MINDY2: variants seen among roughly 807,000 people sequenced by gnomAD.
MINDY2 encodes MINDY lysine 48 deubiquitinase 2, also known as ubiquitin carboxyl-terminal hydrolase MINDY-2.
A neutral mutation model predicts 68.2 loss-of-function variants in MINDY2; 52 were observed. The observed-to-expected ratio is 0.76, with a 90% CI of 0.61 to 0.96. MINDY2 has a LOEUF of 0.96. Among genes scored for constraint, MINDY2 ranks in the 40% least tolerant of loss-of-function variants. MINDY2 has a pLI of 0.00. For synonymous variants in MINDY2, 372 were observed against 303.0 expected (o/e 1.23, Z -2.36); for missense variants, 881 against 773.4 (o/e 1.14, Z -1.65).
intron 1 of MINDY2, among the ~76,000 whole-genome samples, chr15:58,784,575 C>T (rs975754776): frequency 6.7e-6 from 1 of 150,202 alleles, no homozygotes; most frequent in Non-Finnish European, 1.5e-5. Context: ...TAAAATAGGT[C>T]ATAGTTGATT....
intron 7 of MINDY2, among the ~76,000 whole-genome samples, chr15:58,849,816 A>G (rs2032724302): frequency 1.3e-5 from 2 of 152,072 alleles, no homozygotes; most frequent in Non-Finnish European, 2.9e-5. Context: ...ATCTCGGCTC[A>G]CTGCAACCTC....
At chr15:58,808,676 C>T (rs1482748540) in intron 3 of MINDY2, among the ~76,000 whole-genome samples, 1 of 152,174 alleles carries the variant, frequency 6.6e-6, no homozygotes, top group Non-Finnish European at 1.5e-5. Flanking sequence ...ACAATCTTGG[C>T]TCACTGCAAG....
intron 4 of MINDY2, among the ~76,000 whole-genome samples, chr15:58,814,388 G>C (rs537795224): frequency 6.7e-6 from 1 of 150,140 alleles, no homozygotes; most frequent in African/African-American, 2.4e-5. Flanking sequence ...TTTTGTTTTT[G>C]GTTTTGTTTT....
At chr15:58,793,376 A>G (rs1902065864) in intron 2 of MINDY2, among the ~76,000 whole-genome samples, 1 of 152,118 alleles carries the variant, frequency 6.6e-6, no homozygotes, top group South Asian at 2.1e-4. Context: ...GCTTGAACCC[A>G]GCAGTCGGAG....
intron 4 of MINDY2, among the ~76,000 whole-genome samples, chr15:58,818,283 A>T (rs2030832770): frequency 6.6e-6 from 1 of 152,128 alleles, no homozygotes; most frequent in Non-Finnish European, 1.5e-5. Flanking sequence ...GGGGAAGACA[A>T]GATCTTACTC....
At chr15:58,798,996 A>T (rs1269707785) in intron 2 of MINDY2, among the ~76,000 whole-genome samples, 1 of 152,234 alleles carries the variant, frequency 6.6e-6, no homozygotes, top group Admixed American at 6.5e-5. Flanking sequence ...AGGAAAAATT[A>T]GGAAATAGCT....
chr15:58,778,534 A>C (rs537914426), intron 1 of MINDY2, among the ~76,000 whole-genome samples: 1 of 151,210 alleles, frequency 6.6e-6, no homozygotes, highest in South Asian at 2.1e-4. Flanking sequence ...AAACAGACAC[A>C]CACCAAAAAA....
chr15:58,833,598 GTC>G (rs1300255512), intron 6 of MINDY2, among the ~76,000 whole-genome samples: 4 of 152,120 alleles, frequency 2.6e-5, no homozygotes, highest in Admixed American at 6.6e-5. Context: ...GTGAACAAAT[GTC>G]TCTGCATCAT....
chr15:58,845,256 A>C (rs2032477132), intron 6 of MINDY2, among the ~76,000 whole-genome samples: 1 of 152,028 alleles, frequency 6.6e-6, no homozygotes, highest in Non-Finnish European at 1.5e-5. Context: ...AAATACAAAA[A>C]TTAGCCAGGT....
intron 5 of MINDY2, 70 bp downstream of exon 5, chr15:58,821,889 C>G: frequency 9.9e-7 from 1 of 1,006,692 alleles, no homozygotes; most frequent in Non-Finnish European, 1.4e-6. Flanking sequence ...AACTTAATAT[C>G]TTTCAAATTT....
chr15:58,847,370 A>G lies in MINDY2; in HGVS notation c.1442A>G (p.Asn481Ser), dbSNP rs1163442766. ...AAAGTTGTTTGGGAAAGCCTACACA[A>G]CGTAGATGGTGATGGAAATTTCTGT... ...EEKVVWESLH[N>S]VDGDGNFCDS... Residue 481 changes from asparagine to serine, a missense_variant, in exon 7 of 9, where the codon AAC (asparagine) becomes AGC (serine). Coordinates refer to ENST00000559228, the MANE Select transcript of MINDY2 (RefSeq NM_001040450.3). The G allele has an allele frequency of 1.2e-6, 2 of 1,609,292 alleles. No individual in the cohort carries two copies. Among genetic ancestry groups the G allele is most frequent in the East Asian group, 4.5e-5 (2 of 44,746 alleles).
intron 2 of MINDY2, among the ~76,000 whole-genome samples, chr15:58,791,192 A>G (rs1901867580): frequency 1.5e-5 from 2 of 132,534 alleles, no homozygotes; most frequent in Non-Finnish European, 3.4e-5. Flanking sequence ...AAAAAAAAAA[A>G]GGGAGCCATC....
chr15:58,819,149 A>G (rs1294304750), intron 4 of MINDY2, among the ~76,000 whole-genome samples: 1 of 152,152 alleles, frequency 6.6e-6, no homozygotes, highest in Non-Finnish European at 1.5e-5. Context: ...GCTAATTAAA[A>G]AGAAAAATTT....
rs1268204303 is a variant in MINDY2, at chr15:58,831,866, C to G, written c.1318C>G (p.Leu440Val). ...AACTTCAACGGTTCAGGAAGGAGAACTTTGTGTGTTCTTTCGGAATAATCA... is the reference window on the plus strand; with the variant it reads ...AACTTCAACGGTTCAGGAAGGAGAAGTTTGTGTGTTCTTTCGGAATAATCA... ...ELTSTVQEGE[L>V]CVFFRNNHFS... is the part of the protein sequence containing the mutation. The change falls in exon 6 of 9, where the codon CTT (leucine) becomes GTT (valine). Residue 440 changes from leucine to valine, a missense_variant. Coordinates refer to ENST00000559228, the MANE Select transcript of MINDY2 (RefSeq NM_001040450.3). 1 of 1,613,600 alleles carries G rather than the reference C, an allele frequency of 6.2e-7. No homozygotes were observed. The highest frequency in any genetic ancestry group is 8.5e-7 in the Non-Finnish European group (1 of 1,179,764).
At chr15:58,806,879 ATGT>A (rs1326373103) in intron 3 of MINDY2, among the ~76,000 whole-genome samples, 1 of 152,204 alleles carries the variant, frequency 6.6e-6, no homozygotes, top group East Asian at 1.9e-4. Flanking sequence ...TTGAGAAAAT[ATGT>A]TGTTTGGGGG....
Position 58,856,619 on chromosome 15 carries a change from C to T in MINDY2, c.*2009C>T, listed in dbSNP as rs1205778527. The T allele has an allele frequency of 6.6e-6, 1 of 152,052 alleles. No homozygotes were observed. The highest frequency in any genetic ancestry group is 1.5e-5 in the Non-Finnish European group (1 of 68,022). 9.4% of individuals were successfully genotyped at this position (152,052 alleles called of 1,614,324 possible). ...GAATATGTATACGTTAGTAAAATAA[C>T]CAGATATACTACAGAACTCTCTATT... On this transcript the variant is annotated 3_prime_UTR_variant, in exon 9 of 9. Transcript: ENST00000559228.
At chr15:58,798,325 C>G (rs1234144711) in intron 2 of MINDY2, among the ~76,000 whole-genome samples, 1 of 148,326 alleles carries the variant, frequency 6.7e-6, no homozygotes, top group African/African-American at 2.5e-5. Flanking sequence ...TGGGATTTGT[C>G]TATGTTGGCC....
At chr15:58,834,642 CT>C (rs530642602) in intron 6 of MINDY2, among the ~76,000 whole-genome samples, 1,914 of 152,222 alleles carry the variant, frequency 0.013, 35 homozygotes, top group African/African-American at 0.037. Flanking sequence ...GCTACATCAT[CT>C]TTTTTTAGCC....
At chr15:58,791,870 C>G (rs1288335409) in intron 2 of MINDY2, among the ~76,000 whole-genome samples, 1 of 151,618 alleles carries the variant, frequency 6.6e-6, no homozygotes, top group African/African-American at 2.4e-5. Context: ...AAGAAAAGGT[C>G]AGTAGACCGA....
Sources: allele counts gnomAD v4.1 joint callset (sites outside exome capture counted in the v4.1 genomes callset), GRCh38; gene constraint gnomAD v4.1.1; transcripts MANE v1.5; gene names NCBI Gene and HGNC (gene_info 2026-07-23, HGNC 2026-07-21).